The following RAB38 variants were observed in gnomAD, a reference collection of about 807,000 sequenced individuals.
RAB38 encodes the protein ras-related protein Rab-38.
A neutral mutation model predicts 18.4 loss-of-function variants in RAB38; 15 were observed. That is an observed-to-expected ratio of 0.82 (90% confidence interval 0.55 to 1.26). The LOEUF (loss-of-function observed/expected upper bound fraction) is 1.26. Ranked by LOEUF, RAB38 falls within the 50% of genes most tolerant of loss-of-function variation. The pLI, the probability that RAB38 is intolerant of heterozygous loss-of-function variation, is 0.00. For missense variants in RAB38, 294 were observed against 267.4 expected (o/e 1.10, Z -0.69); for synonymous variants, 101 against 104.4 (o/e 0.97, Z 0.20).
the RAB38 span, among the ~76,000 whole-genome samples, chr11:88,076,999 A>AAAAGG: frequency 4.2e-4 from 45 of 107,392 alleles, 1 homozygote; most frequent in Middle Eastern, 8.1e-3. Context: ...AAAAGAAAAG[A>AAAAGG]AAAGAAAAGA....
chr11:87,811,408 C>T, the RAB38 span, among the ~76,000 whole-genome samples: 1 of 152,206 alleles, frequency 6.6e-6, no homozygotes, highest in East Asian at 1.9e-4. Flanking sequence ...GAACCACGCT[C>T]ATGCCTATCT....
At chr11:87,976,753 T>C in the RAB38 span, among the ~76,000 whole-genome samples, 13 of 116,840 alleles carry the variant, frequency 1.1e-4, no homozygotes, top group African/African-American at 4.5e-4. Flanking sequence ...TATATATTTA[T>C]ATATATTTCA....
At chr11:88,129,173 T>C (rs915295106) in intron 2 of RAB38, among the ~76,000 whole-genome samples, 1 of 152,100 alleles carries the variant, frequency 6.6e-6, no homozygotes, top group East Asian at 1.9e-4. Context: ...CCTTAACATA[T>C]ACAGAATAAG....
At chr11:88,160,770 A>T (rs58094715) in intron 1 of RAB38, among the ~76,000 whole-genome samples, 37,461 of 152,096 alleles carry the variant, frequency 0.25, 4,663 homozygotes, top group Admixed American at 0.27. Context: ...TATAAGTGGG[A>T]GCTATACATC....
the RAB38 span, among the ~76,000 whole-genome samples, chr11:87,887,489 A>G: frequency 6.6e-6 from 1 of 152,014 alleles, no homozygotes; most frequent in Non-Finnish European, 1.5e-5. Flanking sequence ...CCAAGATGGT[A>G]AAGTCTGAGC....
the RAB38 span, among the ~76,000 whole-genome samples, chr11:88,099,265 A>G: frequency 2.6e-5 from 4 of 151,916 alleles, no homozygotes; most frequent in South Asian, 8.3e-4. Flanking sequence ...GTGAAAATGA[A>G]CTCTTGGGAT....
chr11:87,885,780 T>C, the RAB38 span, among the ~76,000 whole-genome samples: 2 of 152,004 alleles, frequency 1.3e-5, no homozygotes, highest in African/African-American at 2.4e-5. Flanking sequence ...CCTTGTGGCC[T>C]TGGCCTCTAG....
At position 88,175,178 on chromosome 11, in the gene RAB38, C is replaced by A; in HGVS notation, c.202+5G>T. 3 of 1,592,826 alleles carry A rather than the reference C, an allele frequency of 1.9e-6. No homozygotes were observed. The highest frequency in any genetic ancestry group is 2.6e-6 in the Non-Finnish European group (3 of 1,167,800). ...ATCCCCCTGACCCCCTCCCCCCGCG[C>A]TCACCTGCGATATCCCAGAGCTGCA... On this transcript the variant is annotated splice_donor_5th_base_variant and intron_variant, in intron 1 of 2. Transcript: ENST00000243662.
the RAB38 span, among the ~76,000 whole-genome samples, chr11:87,847,372 T>A: frequency 3.9e-5 from 6 of 152,110 alleles, no homozygotes; most frequent in African/African-American, 1.2e-4. Flanking sequence ...TAAACAACTT[T>A]GGACTAACAA....
At chr11:87,858,888 C>A in the RAB38 span, among the ~76,000 whole-genome samples, 2 of 146,866 alleles carry the variant, frequency 1.4e-5, no homozygotes. Flanking sequence ...ATACCATAAA[C>A]AAGAAATATG....
At chr11:87,899,714 AT>A in the RAB38 span, among the ~76,000 whole-genome samples, 3 of 151,654 alleles carry the variant, frequency 2.0e-5, no homozygotes, top group Non-Finnish European at 4.4e-5. Flanking sequence ...TTCTTGGGAC[AT>A]CAGAGCATAT....
chr11:88,022,700 T>TCTCCCTGCA, the RAB38 span, among the ~76,000 whole-genome samples: 1 of 147,098 alleles, frequency 6.8e-6, no homozygotes, highest in Admixed American at 6.8e-5. Context: ...GCTCCACTCA[T>TCTCCCTGCA]CTCCCTGCAA....
chr11:87,958,674 AAG>A, the RAB38 span, among the ~76,000 whole-genome samples: 1 of 152,154 alleles, frequency 6.6e-6, no homozygotes, highest in Non-Finnish European at 1.5e-5. Context: ...CTTTTTCTAA[AAG>A]AGAAAACTGA....
the RAB38 span, among the ~76,000 whole-genome samples, chr11:88,060,647 G>T: frequency 6.6e-6 from 1 of 151,992 alleles, no homozygotes; most frequent in Admixed American, 6.6e-5. Context: ...CTCAATCTTG[G>T]CACATTTGGG....
chr11:87,946,395 T>A, the RAB38 span, among the ~76,000 whole-genome samples: 1 of 152,174 alleles, frequency 6.6e-6, no homozygotes, highest in Non-Finnish European at 1.5e-5. Flanking sequence ...TAATTCCGAT[T>A]TTTTTAAATT....
chr11:87,859,067 CTCTT>C, the RAB38 span, among the ~76,000 whole-genome samples: 13 of 151,606 alleles, frequency 8.6e-5, no homozygotes, highest in Admixed American at 7.2e-4. Context: ...AAAGAATAGA[CTCTT>C]TAATAAATAG....
the RAB38 span, among the ~76,000 whole-genome samples, chr11:87,945,630 T>C: frequency 2.0e-5 from 3 of 152,152 alleles, no homozygotes; most frequent in African/African-American, 4.8e-5. Flanking sequence ...AATTCATTCA[T>C]AGTATCATAA....
chr11:88,067,335 C>T, the RAB38 span, among the ~76,000 whole-genome samples: 34 of 140,266 alleles, frequency 2.4e-4, no homozygotes, highest in African/African-American at 8.8e-4. Context: ...ATCCCCTCTG[C>T]ACCCATTTAG....
chr11:87,844,875 G>C, the RAB38 span, among the ~76,000 whole-genome samples: 1 of 152,122 alleles, frequency 6.6e-6, no homozygotes, highest in South Asian at 2.1e-4. Flanking sequence ...TGAATCACTA[G>C]CACAAGATTG....
Sources: allele counts gnomAD v4.1 joint callset (sites outside exome capture counted in the v4.1 genomes callset), GRCh38; gene constraint gnomAD v4.1.1; transcripts MANE v1.5; gene names NCBI Gene and HGNC (gene_info 2026-07-23, HGNC 2026-07-21).